GPC6: variants seen among roughly 807,000 people sequenced by gnomAD.
GPC6 encodes glypican-6.
In GPC6, 14 loss-of-function variants were observed where a neutral mutation model predicts 55.2. The ratio of observed to expected loss-of-function variants is 0.25; its 90% confidence interval spans 0.17 to 0.40. The LOEUF is 0.40. Among genes scored for constraint, GPC6 ranks in the 10% least tolerant of loss-of-function variants. The pLI is 1.00. For missense variants in GPC6, 641 were observed against 708.5 expected, an observed-to-expected ratio of 0.90 and a Z score of 1.08; for synonymous variants, 278 against 259.6, an observed-to-expected ratio of 1.07 and a Z score of -0.68.
At chr13:93,917,040 A>G (rs980393243) in intron 3 of GPC6, among the ~76,000 whole-genome samples, 2 of 152,100 alleles carry the variant, frequency 1.3e-5, no homozygotes, top group Admixed American at 1.3e-4. Context: ...TTCTTCCATA[A>G]TAAGTTAACA....
chr13:93,314,715 GTGTGTGTGTGTGTGTGTGT>G (rs1879184094), intron 1 of GPC6, among the ~76,000 whole-genome samples: 1 of 26,508 alleles, frequency 3.8e-5, no homozygotes, highest in African/African-American at 2.4e-4. Context: ...AAGGAGGGGT[GTGTGTGTGTGTGTGTGTGT>G]GTGTGTGTGT....
At chr13:93,361,996 T>C (rs1881057443) in intron 1 of GPC6, among the ~76,000 whole-genome samples, 1 of 152,198 alleles carries the variant, frequency 6.6e-6, no homozygotes, top group South Asian at 2.1e-4. Flanking sequence ...CCAGCCTCAG[T>C]AAGTGATGAA....
intron 2 of GPC6, among the ~76,000 whole-genome samples, chr13:93,782,364 C>T (rs900724194): frequency 1.3e-5 from 2 of 152,094 alleles, no homozygotes; most frequent in Admixed American, 6.6e-5. Context: ...CCATATCTTG[C>T]CTGTTGCAAA....
intron 3 of GPC6, among the ~76,000 whole-genome samples, chr13:93,848,062 A>C (rs540508535): frequency 9.2e-5 from 14 of 152,186 alleles, no homozygotes; most frequent in Non-Finnish European, 1.5e-4. Context: ...TTCTGGGGCC[A>C]GTCAATTTAA....
chr13:93,732,979 A>T (rs1883881470), intron 2 of GPC6, among the ~76,000 whole-genome samples: 1 of 152,100 alleles, frequency 6.6e-6, no homozygotes, highest in African/African-American at 2.4e-5. Flanking sequence ...TTTACAAGAC[A>T]TCTCAATTTT....
At chr13:94,022,228 A>G (rs963998621) in intron 3 of GPC6, among the ~76,000 whole-genome samples, 17 of 152,010 alleles carry the variant, frequency 1.1e-4, no homozygotes, top group Non-Finnish European at 1.8e-4. Context: ...CTTGACTTAT[A>G]TATCCCCATT....
intron 2 of GPC6, among the ~76,000 whole-genome samples, chr13:93,758,673 T>C (rs1884860100): frequency 1.3e-5 from 2 of 151,924 alleles, no homozygotes; most frequent in South Asian, 4.1e-4. Flanking sequence ...CCAAGGGTTA[T>C]GTTTTCTTCC....
Position 94,134,576 on chromosome 13 carries a change from A to C in GPC6, c.877+106682A>C, listed in dbSNP as rs563871871. 2.2e-3 allele frequency among the ~76,000 whole-genome samples: 328 copies of C among 152,324 alleles called. 1 individual carries two copies. The highest frequency in any genetic ancestry group is 3.5e-3 in the Non-Finnish European group (238 of 68,030). ...CAAATTACCACATTACTCATAAATG[A>C]GGTGTCCTCCTAATATAGCACATAA... On this transcript the variant is annotated intron_variant, in intron 4 of 8. Transcript: ENST00000377047.
At chr13:94,378,044 T>C (rs982826448) in intron 6 of GPC6, among the ~76,000 whole-genome samples, 24 of 152,032 alleles carry the variant, frequency 1.6e-4, no homozygotes, top group Admixed American at 1.0e-3. Context: ...TGGGGACTGT[T>C]GTGGGGTGGG....
At chr13:93,749,058 A>G (rs758067727) in intron 2 of GPC6, among the ~76,000 whole-genome samples, 1 of 151,902 alleles carries the variant, frequency 6.6e-6, no homozygotes, top group Non-Finnish European at 1.5e-5. Context: ...TTCTAGTCCT[A>G]TTTCTTTTTC....
chr13:93,781,894 G>C (rs1410743726), intron 2 of GPC6, among the ~76,000 whole-genome samples: 1 of 151,990 alleles, frequency 6.6e-6, no homozygotes, highest in Non-Finnish European at 1.5e-5. Context: ...ATTGGAGGTG[G>C]CTAAATGAAT....
rs74986089 is a variant in GPC6, at chr13:94,050,897, C to T, written c.877+23003C>T. ...AATTTGCAACTAGCACCATAAATGG[C>T]ATTTGTAATCTAGCTAGTAGTGTCG... is the stretch of plus-strand genomic sequence containing the variant. On this transcript the variant is annotated intron_variant, in intron 4 of 8. Coordinates refer to ENST00000377047, the MANE Select transcript of GPC6 (RefSeq NM_005708.5). 5.5e-3 allele frequency among the ~76,000 whole-genome samples: 843 copies of T among 152,206 alleles called. 12 individuals are homozygous for T. The highest frequency in any genetic ancestry group is 0.02 in the African/African-American group (811 of 41,528).
rs1024795277 is a variant in GPC6 at position 94,392,516 on chromosome 13, G to A, written c.1290-5950G>A. Among the ~76,000 whole-genome samples, 6 of 142,574 alleles carry A rather than the reference G, an allele frequency of 4.2e-5. No homozygotes were observed. In the South Asian group the frequency reaches 6.8e-4, roughly 16 times the overall value. The allele number at this position is 142,574 out of a possible 152,430, so 93.5% of individuals were successfully genotyped here. A position where few individuals can be genotyped will look rare whatever the true frequency, so the allele number is the denominator to read the frequency against. ...GTGATCTCAGCTCACCACAACCTCC[G>A]CATCCCAGGTTCAAGTGATTCTCCT... is the stretch of plus-strand genomic sequence containing the variant. On this transcript the variant is annotated intron_variant, in intron 7 of 8. Coordinates refer to ENST00000377047, the MANE Select transcript of GPC6 (RefSeq NM_005708.5).
At chr13:94,107,669 A>G (rs1239807821) in intron 4 of GPC6, among the ~76,000 whole-genome samples, 1 of 151,368 alleles carries the variant, frequency 6.6e-6, no homozygotes, top group South Asian at 2.1e-4. Context: ...ACTATAAAAT[A>G]TGTTAGGTTT....
chr13:93,363,311 A>T (rs909117371), intron 1 of GPC6, among the ~76,000 whole-genome samples: 1 of 144,914 alleles, frequency 6.9e-6, no homozygotes, highest in African/African-American at 2.5e-5. Context: ...CAGTCCCCAG[A>T]GTGTGATGTT....
intron 2 of GPC6, among the ~76,000 whole-genome samples, chr13:93,817,942 T>G (rs2138960589): frequency 6.8e-6 from 1 of 148,140 alleles, no homozygotes; most frequent in Non-Finnish European, 1.5e-5. Context: ...TAGATATAAT[T>G]TATTAGTTAT....
At position 93,426,561 on chromosome 13, in the gene GPC6, A is replaced by G. The variant is rs986593248; in HGVS notation, c.161-118702A>G. The stretch of plus-strand genomic sequence containing the variant: ...TTTCATCCATGTCCCCACAAAGGAC[A>G]TGAACTCATCATTTTTTATGGCTGC... On this transcript the variant is annotated intron_variant, in intron 1 of 8. Coordinates refer to ENST00000377047, the MANE Select transcript of GPC6 (RefSeq NM_005708.5). Among the ~76,000 whole-genome samples the G allele has an allele frequency of 5.0e-4, 76 of 152,158 alleles. 1 individual carries two copies. The East Asian group carries it at 0.015, about 29-fold the overall frequency.
chr13:93,306,577 A>T (rs1878864925), intron 1 of GPC6, among the ~76,000 whole-genome samples: 1 of 152,114 alleles, frequency 6.6e-6, no homozygotes, highest in African/African-American at 2.4e-5. Context: ...AGAGGAAAAA[A>T]TGTTGCTAAA....
At chr13:93,437,897 C>T (rs1877634170) in intron 1 of GPC6, among the ~76,000 whole-genome samples, 1 of 152,138 alleles carries the variant, frequency 6.6e-6, no homozygotes, top group South Asian at 2.1e-4. Flanking sequence ...TTCAAAGCTT[C>T]AAAGGACAGG....
Sources: gnomAD v4.1 joint callset for allele counts (sites outside exome capture counted in the v4.1 genomes callset) on GRCh38, gnomAD v4.1.1 for gene constraint, MANE v1.5 for transcripts, NCBI Gene and HGNC (gene_info 2026-07-23, HGNC 2026-07-21) for gene names.